Variants in RAP1GAP observed in about 807,000 individuals in gnomAD.
RAP1GAP encodes the protein RAP1 GTPase activating protein.
Under a neutral mutation model 87.2 loss-of-function variants are expected in RAP1GAP, and 35 were observed. The observed-to-expected ratio is 0.40, with a 90% CI of 0.31 to 0.53. The LOEUF is 0.53. Ranked by LOEUF, RAP1GAP falls within the 20% of genes least tolerant of loss-of-function variation. RAP1GAP has a pLI of 0.48. For synonymous variants in RAP1GAP, 375 were observed against 363.9 expected (o/e 1.03, Z -0.35); for missense variants, 734 against 898.9 (o/e 0.82, Z 2.35).
Position 21,651,739 on chromosome 1 carries a change from C to A in RAP1GAP, c.-148-1943G>T, listed in dbSNP as rs747314782. 6.1e-6 allele frequency: 9 copies of A among 1,463,700 alleles called. No homozygotes were observed. The East Asian group carries it at 2.1e-4, about 34-fold the overall frequency. The allele number at this position is 1,463,700 out of a possible 1,614,324, so 90.7% of individuals were successfully genotyped here. On this transcript the variant is annotated intron_variant, in intron 1 of 24. Coordinates refer to ENST00000374765, the MANE Select transcript of RAP1GAP (RefSeq NM_002885.4). ...TCCCCCCCACGCGTGCACACGCACA[C>A]GCGCGCACGCGCCCCGCCCCGCGCC...
intron 2 of RAP1GAP, among the ~76,000 whole-genome samples, chr1:21,635,655 C>T (rs2094560432): frequency 1.3e-5 from 2 of 152,250 alleles, no homozygotes; most frequent in South Asian, 4.1e-4. Flanking sequence ...GCCTCATAGG[C>T]TCCAGGCCAG....
At chr1:21,645,009 A>G (rs970365478) in intron 2 of RAP1GAP, among the ~76,000 whole-genome samples, 1 of 151,948 alleles carries the variant, frequency 6.6e-6, no homozygotes, top group Non-Finnish European at 1.5e-5. Flanking sequence ...GCCATTCCCA[A>G]TTTTACAGTT....
intron 2 of RAP1GAP, among the ~76,000 whole-genome samples, chr1:21,642,727 C>T (rs1175079557): frequency 1.3e-5 from 2 of 152,164 alleles, no homozygotes; most frequent in Non-Finnish European, 2.9e-5. Context: ...GGGACATGAT[C>T]TGGTGGCTGT....
rs150869374 is a variant in RAP1GAP at position 21,599,607 on chromosome 1, C to T, written c.1663G>A (p.Ala555Thr). ...MPTTKNRAETAAQRAEALKDF... is the reference protein window; with the variant it reads ...MPTTKNRAETTAQRAEALKDF... ...TTGAGCGCCTCTGCTCTCTGCGCTG[C>T]GGTCTCCGCTCTGCCACAGACAGTG... The change falls in exon 21 of 25, where the codon GCA becomes ACA. Residue 555 changes from alanine (A) to threonine (T), a missense_variant. This residue lies in a region of RAP1GAP where 249 missense variants were observed against 252.7 expected (regional missense o/e 0.99). Transcript: ENST00000374765. The T allele has an allele frequency of 8.7e-6, 14 of 1,605,548 alleles. No individual in the cohort carries two copies. Among genetic ancestry groups the T allele is most frequent in the African/African-American group, 4.0e-5 (3 of 74,898 alleles).
At position 21,608,945 on chromosome 1, in the gene RAP1GAP, T is replaced by C. The variant is rs113722486; in HGVS notation, c.1072-9A>G. ...TCCTGGAACTCAGGCCCCTGGAAAC[T>C]CCCAGTGTGGAGGAGATAAGGAAGG... On this transcript the variant is annotated splice_polypyrimidine_tract_variant and intron_variant, in intron 15 of 24. Transcript: ENST00000374765. 465 of 1,605,744 alleles carry C rather than the reference T, an allele frequency of 2.9e-4. 2 individuals carry two copies. The African/African-American group carries it at 5.3e-3, about 18-fold the overall frequency.
At chr1:21,662,893 G>A (rs1237444319) in intron 1 of RAP1GAP, among the ~76,000 whole-genome samples, 1 of 152,184 alleles carries the variant, frequency 6.6e-6, no homozygotes, top group Non-Finnish European at 1.5e-5. Context: ...TCCATGAAAA[G>A]TGCTTACATA....
chr1:21,660,899 A>G (rs2097131476), intron 1 of RAP1GAP, among the ~76,000 whole-genome samples: 2 of 152,174 alleles, frequency 1.3e-5, no homozygotes, highest in African/African-American at 4.8e-5. Context: ...TCAGGTGGGC[A>G]GGAGAAGCAG....
intron 1 of RAP1GAP, among the ~76,000 whole-genome samples, chr1:21,653,565 TTCC>T (rs2096722234): frequency 1.6e-5 from 2 of 128,652 alleles, no homozygotes; most frequent in African/African-American, 5.6e-5. Flanking sequence ...CCTTCCTTCC[TTCC>T]TTCCTTCCTT....
In RAP1GAP at chr1:21,608,455, TGAGTGGG is replaced by T. The variant is rs775220829; in HGVS notation, c.1159-112_1159-106del. 4.3e-5 allele frequency: 63 copies of T among 1,456,788 alleles called. No individual in the cohort carries two copies. In the Middle Eastern group the frequency reaches 1.5e-3, roughly 34 times the overall value. The allele number at this position is 1,456,788 out of a possible 1,614,324, so 90.2% of individuals were successfully genotyped here. On this transcript the variant is annotated intron_variant, in intron 16 of 24. Transcript: ENST00000374765. The stretch of plus-strand genomic sequence containing the variant: ...TGAGGCACGGGCCACCTTCTCTGAA[TGAGTGGG>T]GAGTGGGGAGGGCGGAGGGCTCCTG...
intron 3 of RAP1GAP, 21 bp downstream of exon 3, chr1:21,626,283 G>A: frequency 6.4e-7 from 1 of 1,567,378 alleles, no homozygotes; most frequent in Non-Finnish European, 8.8e-7. Context: ...AGGGGCCGTA[G>A]GTATGGAGGG....
intron 2 of RAP1GAP, among the ~76,000 whole-genome samples, chr1:21,635,389 T>C (rs923899148): frequency 2.6e-5 from 4 of 152,284 alleles, no homozygotes; most frequent in Admixed American, 1.3e-4. Flanking sequence ...CTGCCCTTCA[T>C]TCCTCTGCTC....
In RAP1GAP at chr1:21,615,203, C is replaced by T. The variant is rs571654416; in HGVS notation, c.292-1114G>A. ...GAGCCCCCGGGACACAGTGGGAGAG[C>T]GGGCTCAGGGTCCCAGGAAGTCAAC... On this transcript the variant is annotated intron_variant, in intron 7 of 24. Coordinates refer to ENST00000374765, the MANE Select transcript of RAP1GAP (RefSeq NM_002885.4). The surrounding 1 kb of genome is among the most constrained non-coding windows in gnomAD (Gnocchi z 4.5). Among the ~76,000 whole-genome samples the T allele has an allele frequency of 3.0e-4, 45 of 152,248 alleles. No homozygotes were observed. The South Asian group carries it at 7.9e-3, about 27-fold the overall frequency.
chr1:21,656,857 G>A (rs1012089706), intron 1 of RAP1GAP, among the ~76,000 whole-genome samples: 13 of 152,258 alleles, frequency 8.5e-5, no homozygotes, highest in African/African-American at 2.9e-4. Flanking sequence ...TGCAGATCAT[G>A]TGGCTTGAAA....
chr1:21,609,947 G>C lies in RAP1GAP; in HGVS notation c.999+173C>G, dbSNP rs950848182. On this transcript the variant is annotated intron_variant, in intron 14 of 24. Coordinates refer to ENST00000374765, the MANE Select transcript of RAP1GAP (RefSeq NM_002885.4). This position sits in a 1 kb window ranked among gnomAD's most constrained non-coding sequence, Gnocchi z 4.4. ...GAGGAGGGAAACTGTCCTCTCTGAG[G>C]GGGTGAGCTTTGGGGACGACAGGGG... 6.6e-6 allele frequency among the ~76,000 whole-genome samples: 1 copy of C among 152,196 alleles called. No individual in the cohort carries two copies. The highest frequency in any genetic ancestry group is 1.5e-5 in the Non-Finnish European group (1 of 68,042).
intron 1 of RAP1GAP, among the ~76,000 whole-genome samples, chr1:21,654,827 G>A (rs2096793383): frequency 1.3e-5 from 2 of 148,582 alleles, no homozygotes; most frequent in African/African-American, 5.0e-5. Context: ...GCAAGACCCT[G>A]TCTTAAAAAG....
At chr1:21,652,172 G>A (rs2096632084) in intron 1 of RAP1GAP, among the ~76,000 whole-genome samples, 1 of 62,826 alleles carries the variant, frequency 1.6e-5, no homozygotes, top group East Asian at 4.9e-4. Context: ...CCCTCCTCCC[G>A]CCCCCTCGAG....
intron 2 of RAP1GAP, among the ~76,000 whole-genome samples, chr1:21,644,475 G>A (rs2151607817): frequency 6.6e-6 from 1 of 152,214 alleles, no homozygotes; most frequent in East Asian, 1.9e-4. Context: ...GGTTCATAAC[G>A]GTCTTGCCTC....
intron 1 of RAP1GAP, among the ~76,000 whole-genome samples, chr1:21,666,945 G>C (rs2097373321): frequency 6.6e-6 from 1 of 152,130 alleles, no homozygotes; most frequent in Non-Finnish European, 1.5e-5. Flanking sequence ...GCATCTGGAT[G>C]GTGTGACTCT....
At chr1:21,616,136 AACACACACACACACACACACAC>A (rs58644324) in intron 7 of RAP1GAP, among the ~76,000 whole-genome samples, 1,603 of 126,698 alleles carry the variant, frequency 0.013, 27 homozygotes, top group African/African-American at 0.032. Flanking sequence ...CCCTCTTCCC[AACACACACACACACACACACAC>A]ACACACACAC....
Sources: allele counts gnomAD v4.1 joint callset (sites outside exome capture counted in the v4.1 genomes callset), GRCh38; gene constraint gnomAD v4.1.1; regional missense constraint gnomAD v4.1.1; non-coding constraint Gnocchi (gnomAD v3.1); transcripts MANE v1.5; gene names NCBI Gene and HGNC (gene_info 2026-07-23, HGNC 2026-07-21).